Variants in MCTP1 observed in about 807,000 individuals in gnomAD.
MCTP1 encodes the protein multiple C2 and transmembrane domain containing 1.
A neutral mutation model predicts 120.6 loss-of-function variants in MCTP1; 69 were observed. That is an observed-to-expected ratio of 0.57 (90% CI 0.47 to 0.70). The LOEUF (loss-of-function observed/expected upper bound fraction) is 0.70, where lower values mean the gene tolerates loss of function less well. Among genes scored for constraint, MCTP1 ranks in the 30% least tolerant of loss-of-function variants. The probability of loss-of-function intolerance (pLI) is 0.00; values close to 1 mark genes in which losing one functional copy is unlikely to be tolerated. For missense variants in MCTP1, 1,203 were observed against 1,248.8 expected (o/e 0.96, Z 0.55); for synonymous variants, 529 against 493.1 (o/e 1.07, Z -0.96).
intron 1 of MCTP1, among the ~76,000 whole-genome samples, chr5:95,262,060 C>T (rs376029968): frequency 4.6e-5 from 7 of 152,284 alleles, no homozygotes; most frequent in African/African-American, 1.7e-4. Flanking sequence ...AACGGCAATG[C>T]CTAGTAGGGG....
intron 17 of MCTP1, among the ~76,000 whole-genome samples, chr5:94,841,248 C>T (rs557910673): frequency 6.6e-6 from 1 of 152,150 alleles, no homozygotes; most frequent in South Asian, 2.1e-4. Flanking sequence ...AATGGTGTTG[C>T]CAAGAAAGTA....
At chr5:94,979,854 G>A (rs926591075) in intron 2 of MCTP1, among the ~76,000 whole-genome samples, 11 of 151,834 alleles carry the variant, frequency 7.2e-5, no homozygotes, top group African/African-American at 9.7e-5. Flanking sequence ...TTGATATATC[G>A]GGTTTATCTG....
At chr5:94,963,148 C>A (rs1474991682) in intron 2 of MCTP1, among the ~76,000 whole-genome samples, 1 of 152,068 alleles carries the variant, frequency 6.6e-6, no homozygotes, top group Non-Finnish European at 1.5e-5. Context: ...TGGGTTCCAA[C>A]ATATGAATTT....
intron 2 of MCTP1, among the ~76,000 whole-genome samples, chr5:94,992,292 GGATGAT>G (rs148599893): frequency 1.1e-4 from 17 of 151,750 alleles, no homozygotes; most frequent in Admixed American, 3.9e-4. Flanking sequence ...ATAATGTTGA[GGATGAT>G]GATGATGATG....
At chr5:95,038,518 A>C (rs1387571839) in intron 1 of MCTP1, among the ~76,000 whole-genome samples, 2 of 152,148 alleles carry the variant, frequency 1.3e-5, no homozygotes, top group Non-Finnish European at 2.9e-5. Flanking sequence ...CCCCATCCTC[A>C]AGTGTGGGCT....
At position 94,912,466 on chromosome 5, in the gene MCTP1, A is replaced by AAAAAAAAAAAAAAAAAAAAAAAG. The variant is rs1211529200; in HGVS notation, c.1521+339_1521+340insCTTTTTTTTTTTTTTTTTTTTTT. On this transcript the variant is annotated intron_variant, in intron 9 of 22. Transcript: ENST00000515393. ...AAAAAAAAAAAAAAAAAAAAAAAAA[A>AAAAAAAAAAAAAAAAAAAAAAAG]GCCGCACTCTGAGTACTTTATGTGC... 1.1e-4 allele frequency among the ~76,000 whole-genome samples: 10 copies of AAAAAAAAAAAAAAAAAAAAAAAG among 92,096 alleles called. 3 individuals carry two copies. Among genetic ancestry groups the AAAAAAAAAAAAAAAAAAAAAAAG allele is most frequent in the African/African-American group, 2.6e-4 (7 of 26,770 alleles). The allele number at this position is 92,096 out of a possible 152,430, so 60.4% of individuals were successfully genotyped here. A position where few individuals can be genotyped will look rare whatever the true frequency, so the allele number is the denominator to read the frequency against.
At chr5:94,747,885 G>T (rs1561566346) in intron 19 of MCTP1, among the ~76,000 whole-genome samples, 1 of 152,166 alleles carries the variant, frequency 6.6e-6, no homozygotes. Context: ...GAGGTCAGGA[G>T]TTTGAGACCA....
chr5:95,096,679 C>T, intron 1 of MCTP1, among the ~76,000 whole-genome samples: 1 of 152,138 alleles, frequency 6.6e-6, no homozygotes, highest in East Asian at 1.9e-4. Flanking sequence ...CTTTTAGCAT[C>T]TTACAGAGCT....
chr5:94,852,237 T>G (rs1301925297), intron 17 of MCTP1, among the ~76,000 whole-genome samples: 5 of 151,998 alleles, frequency 3.3e-5, no homozygotes, highest in African/African-American at 1.2e-4. Flanking sequence ...TTCCAATGGA[T>G]TCATATTTTG....
chr5:95,083,979 G>T (rs1407765775), intron 1 of MCTP1, among the ~76,000 whole-genome samples: 1 of 152,086 alleles, frequency 6.6e-6, no homozygotes, highest in African/African-American at 2.4e-5. Context: ...ATGTTAAGCA[G>T]AAATAACATA....
At chr5:94,741,896 G>A (rs1302311631) in intron 19 of MCTP1, among the ~76,000 whole-genome samples, 1 of 152,178 alleles carries the variant, frequency 6.6e-6, no homozygotes, top group South Asian at 2.1e-4. Flanking sequence ...ATGTGAGATT[G>A]GGGTTAACAG....
At chr5:95,094,916 A>C (rs1263250457) in intron 1 of MCTP1, among the ~76,000 whole-genome samples, 1 of 151,546 alleles carries the variant, frequency 6.6e-6, no homozygotes, top group Non-Finnish European at 1.5e-5. Flanking sequence ...TCCTATAATA[A>C]ATTCATGGTA....
chr5:94,956,649 A>G (rs532056539), intron 2 of MCTP1, among the ~76,000 whole-genome samples: 20 of 152,134 alleles, frequency 1.3e-4, no homozygotes, highest in Non-Finnish European at 2.1e-4. Context: ...AAACTGATCA[A>G]GTGGAAGAAA....
At chr5:95,241,895 C>T (rs764239641) in intron 1 of MCTP1, among the ~76,000 whole-genome samples, 5 of 152,238 alleles carry the variant, frequency 3.3e-5, no homozygotes, top group African/African-American at 1.2e-4. Flanking sequence ...TAGAAAGTTA[C>T]ATGCTTTCCA....
At chr5:94,990,735 T>TATACAA (rs1831383585) in intron 2 of MCTP1, among the ~76,000 whole-genome samples, 1 of 152,218 alleles carries the variant, frequency 6.6e-6, no homozygotes, top group Non-Finnish European at 1.5e-5. Flanking sequence ...CATGGATCAT[T>TATACAA]AGAGGTCATT....
chr5:94,801,143 G>A (rs553917900), intron 17 of MCTP1, among the ~76,000 whole-genome samples: 2 of 152,208 alleles, frequency 1.3e-5, no homozygotes, highest in East Asian at 3.9e-4. Flanking sequence ...TTTATTTGTA[G>A]CATTTAGGCA....
chr5:94,883,175 A>G (rs1389016497), intron 12 of MCTP1, among the ~76,000 whole-genome samples: 1 of 152,206 alleles, frequency 6.6e-6, no homozygotes, highest in Non-Finnish European at 1.5e-5. Context: ...GAAAAGATTT[A>G]TATAGTATTA....
intron 17 of MCTP1, among the ~76,000 whole-genome samples, chr5:94,840,390 G>T (rs191914559): frequency 7.9e-5 from 12 of 152,332 alleles, no homozygotes; most frequent in African/African-American, 2.9e-4. Flanking sequence ...TCATTCCTTA[G>T]TTGCAATAGT....
At chr5:94,932,668 G>A (rs963269338) in intron 5 of MCTP1, among the ~76,000 whole-genome samples, 1 of 151,898 alleles carries the variant, frequency 6.6e-6, no homozygotes, top group East Asian at 1.9e-4. Flanking sequence ...AAAGCCCAAC[G>A]AATTTTTTTG....
Sources: allele counts gnomAD v4.1 joint callset (sites outside exome capture counted in the v4.1 genomes callset), GRCh38; gene constraint gnomAD v4.1.1; transcripts MANE v1.5; gene names NCBI Gene and HGNC (gene_info 2026-07-23, HGNC 2026-07-21).